The following KIAA1217 variants were observed in gnomAD, a reference collection of about 807,000 sequenced individuals.
KIAA1217 encodes the protein KIAA1217, also known as sickle tail protein homolog.
In KIAA1217, 88 loss-of-function variants were observed where a neutral mutation model predicts 163.9. The ratio of observed to expected loss-of-function variants is 0.54; its 90% confidence interval spans 0.45 to 0.64. The LOEUF (loss-of-function observed/expected upper bound fraction) is 0.64. KIAA1217 is among the 30% of genes least tolerant of loss of function. The pLI is 0.00. For missense variants in KIAA1217, 2,372 were observed against 2,475.0 expected (o/e 0.96, Z 0.88); for synonymous variants, 903 against 923.1 (o/e 0.98, Z 0.39).
intron 1 of KIAA1217, among the ~76,000 whole-genome samples, chr10:23,833,465 A>G (rs998339453): frequency 1.3e-5 from 2 of 151,282 alleles, no homozygotes; most frequent in Non-Finnish European, 2.9e-5. Context: ...GCTGGATGAC[A>G]GAGTGAGACT....
At chr10:24,318,531 G>T (rs1461585662) in intron 2 of KIAA1217, among the ~76,000 whole-genome samples, 3 of 152,128 alleles carry the variant, frequency 2.0e-5, no homozygotes, top group African/African-American at 7.2e-5. Flanking sequence ...AATCATGTTA[G>T]TCAGTTCCTT....
At chr10:23,753,934 A>G (rs952883963) in intron 1 of KIAA1217, among the ~76,000 whole-genome samples, 1 of 152,110 alleles carries the variant, frequency 6.6e-6, no homozygotes, top group Non-Finnish European at 1.5e-5. Context: ...AGAAATTCCT[A>G]CTTTCTTGCT....
At chr10:23,909,087 C>T (rs1470691837) in intron 1 of KIAA1217, among the ~76,000 whole-genome samples, 1 of 152,098 alleles carries the variant, frequency 6.6e-6, no homozygotes. Context: ...TTATTCTAAG[C>T]AAAGTAACTC....
At chr10:23,856,082 G>T (rs963966051) in intron 1 of KIAA1217, among the ~76,000 whole-genome samples, 10 of 152,222 alleles carry the variant, frequency 6.6e-5, no homozygotes, top group African/African-American at 2.2e-4. Flanking sequence ...AGGAGGAGAG[G>T]CACTCTGCTT....
At chr10:24,395,213 T>C (rs900076475) in intron 3 of KIAA1217, among the ~76,000 whole-genome samples, 4 of 152,070 alleles carry the variant, frequency 2.6e-5, no homozygotes, top group Admixed American at 6.6e-5. Context: ...CTCTCCCCCA[T>C]TCTTTGCTGT....
At chr10:24,429,829 T>C (rs1168426763) in intron 3 of KIAA1217, among the ~76,000 whole-genome samples, 1 of 152,182 alleles carries the variant, frequency 6.6e-6, no homozygotes, top group Non-Finnish European at 1.5e-5. Context: ...CCAGACAGAA[T>C]CTGAATATGA....
intron 1 of KIAA1217, among the ~76,000 whole-genome samples, chr10:23,918,733 T>TACACACACACACAC (rs1554823731): frequency 1.4e-5 from 2 of 147,478 alleles, no homozygotes; most frequent in African/African-American, 5.0e-5. Context: ...ATTAAATATA[T>TACACACACACACAC]ACACACACAC....
intron 2 of KIAA1217, among the ~76,000 whole-genome samples, chr10:24,225,775 A>G (rs968208744): frequency 9.9e-5 from 15 of 152,234 alleles, no homozygotes; most frequent in African/African-American, 3.6e-4. Context: ...ATCAGGTTGC[A>G]TTACATATAT....
chr10:24,320,028 A>G (rs986427234), intron 2 of KIAA1217, among the ~76,000 whole-genome samples: 2 of 152,176 alleles, frequency 1.3e-5, no homozygotes, highest in South Asian at 4.1e-4. Context: ...TTTTTTTGCA[A>G]TTACCATCGT....
chr10:23,978,646 T>G (rs1440566471), intron 1 of KIAA1217, among the ~76,000 whole-genome samples: 1 of 151,800 alleles, frequency 6.6e-6, no homozygotes, highest in Non-Finnish European at 1.5e-5. Flanking sequence ...ATATTTAAAC[T>G]ATATATATAT....
At chr10:24,312,836 G>A (rs2042883325) in intron 2 of KIAA1217, among the ~76,000 whole-genome samples, 1 of 151,998 alleles carries the variant, frequency 6.6e-6, no homozygotes, top group South Asian at 2.1e-4. Flanking sequence ...GATCACTTGA[G>A]ACTGAGGAGG....
intron 19 of KIAA1217, 87 bp from the exon 20 acceptor site, chr10:24,544,894 C>T: frequency 1.4e-6 from 2 of 1,447,356 alleles, no homozygotes; most frequent in Non-Finnish European, 1.9e-6. Context: ...TCACCTTGAG[C>T]TTCTCTGCAC....
intron 1 of KIAA1217, among the ~76,000 whole-genome samples, chr10:23,783,130 A>G (rs1348686710): frequency 6.6e-6 from 1 of 152,196 alleles, no homozygotes; most frequent in African/African-American, 2.4e-5. Flanking sequence ...CCACACTGGA[A>G]GAAGGAGAAT....
At chr10:24,402,698 CA>C (rs1403963752) in intron 3 of KIAA1217, among the ~76,000 whole-genome samples, 2 of 152,044 alleles carry the variant, frequency 1.3e-5, no homozygotes, top group Non-Finnish European at 2.9e-5. Context: ...ATAAAGAACC[CA>C]AAATAGAACC....
intron 6 of KIAA1217, 132 bp from the exon 7 acceptor site, chr10:24,494,367 TC>T: frequency 1.4e-6 from 1 of 691,968 alleles, no homozygotes. Flanking sequence ...CTCTTCATGT[TC>T]CTGAGCCAGG....
intron 12 of KIAA1217, among the ~76,000 whole-genome samples, chr10:24,523,154 C>T (rs891396315): frequency 2.0e-5 from 3 of 151,710 alleles, no homozygotes; most frequent in African/African-American, 7.3e-5. Flanking sequence ...CCCATCTCTA[C>T]AAAAAATTAT....
intron 5 of KIAA1217, among the ~76,000 whole-genome samples, chr10:24,444,118 C>T (rs956591825): frequency 9.2e-5 from 14 of 152,214 alleles, no homozygotes; most frequent in Admixed American, 8.5e-4. Flanking sequence ...TCAAGCAATT[C>T]TCCTCCCTTA....
intron 2 of KIAA1217, among the ~76,000 whole-genome samples, chr10:24,178,228 A>G (rs897990650): frequency 5.3e-5 from 8 of 152,232 alleles, no homozygotes; most frequent in African/African-American, 1.9e-4. Flanking sequence ...AATCTCTTTT[A>G]GAGCTGTTTA....
intron 1 of KIAA1217, among the ~76,000 whole-genome samples, chr10:23,955,364 G>A (rs1391198535): frequency 1.3e-5 from 2 of 152,214 alleles, no homozygotes; most frequent in Non-Finnish European, 2.9e-5. Context: ...TACTGGTGTG[G>A]TATTTCCAAG....
Sources: gnomAD v4.1 joint callset for allele counts (sites outside exome capture counted in the v4.1 genomes callset) on GRCh38, gnomAD v4.1.1 for gene constraint, MANE v1.5 for transcripts, NCBI Gene and HGNC (gene_info 2026-07-23, HGNC 2026-07-21) for gene names.